PRKCE: variants seen among roughly 807,000 people sequenced by gnomAD.
PRKCE encodes protein kinase C epsilon type.
In PRKCE, 16 loss-of-function variants were observed where a neutral mutation model predicts 85.4. The observed-to-expected ratio is 0.19, with a 90% confidence interval of 0.13 to 0.28. PRKCE has a LOEUF of 0.28. PRKCE is among the 10% of genes least tolerant of loss of function. The pLI, the probability that PRKCE is intolerant of heterozygous loss-of-function variation, is 1.00. For missense variants in PRKCE, 573 were observed against 975.2 expected (o/e 0.59, Z 5.49); for synonymous variants, 388 against 371.5 (o/e 1.04, Z -0.51).
At position 45,892,674 on chromosome 2, in the gene PRKCE, CA is replaced by C. The variant is rs535670594; in HGVS notation, c.412+49614del. Among the ~76,000 whole-genome samples, 132 of 152,184 alleles carry C rather than the reference CA, an allele frequency of 8.7e-4. 4 individuals are homozygous for C. The South Asian group carries it at 0.025, about 28-fold the overall frequency. On this transcript the variant is annotated intron_variant, in intron 2 of 14. Coordinates refer to ENST00000306156, the MANE Select transcript of PRKCE (RefSeq NM_005400.3). ...GGCTGCCCTGGCGGTGGCCCAGAAG[CA>C]AATGTAGCATCGTTTGCCAGAGACT...
intron 14 of PRKCE, among the ~76,000 whole-genome samples, chr2:46,183,515 C>G (rs766587796): frequency 6.6e-6 from 1 of 152,184 alleles, no homozygotes; most frequent in African/African-American, 2.4e-5. Context: ...TTGCTGGAGT[C>G]CCTGCCTTTA....
chr2:46,087,657 G>T (rs559753617), intron 11 of PRKCE, among the ~76,000 whole-genome samples: 2 of 151,724 alleles, frequency 1.3e-5, no homozygotes, highest in African/African-American at 4.9e-5. Flanking sequence ...GACCACAAAC[G>T]GAATGGTGTC....
chr2:45,719,714 T>C (rs1313128003), intron 1 of PRKCE, among the ~76,000 whole-genome samples: 1 of 152,124 alleles, frequency 6.6e-6, no homozygotes, highest in East Asian at 1.9e-4. Context: ...CTCCCCCTTT[T>C]ACAATCTAGA....
At chr2:45,700,365 G>A (rs1195037652) in intron 1 of PRKCE, among the ~76,000 whole-genome samples, 2 of 152,090 alleles carry the variant, frequency 1.3e-5, no homozygotes, top group African/African-American at 4.8e-5. Flanking sequence ...GTCCTGGGTA[G>A]GGGTTTTTGA....
rs10174970 is a variant in PRKCE at position 46,156,798 on chromosome 2, T to A, written c.1921-2808T>A. On this transcript the variant is annotated intron_variant, in intron 13 of 14. Coordinates refer to ENST00000306156, the MANE Select transcript of PRKCE (RefSeq NM_005400.3). ...CTGGTTTGATCACATGCTATTTTTT[T>A]AAAAAACACAAAGCATAAAATCAGA... 7.9e-3 allele frequency among the ~76,000 whole-genome samples: 1,201 copies of A among 152,282 alleles called. 14 individuals carry two copies. The highest frequency in any genetic ancestry group is 0.027 in the African/African-American group (1,130 of 41,554).
At chr2:45,876,328 T>C (rs1694475860) in intron 2 of PRKCE, among the ~76,000 whole-genome samples, 1 of 152,254 alleles carries the variant, frequency 6.6e-6, no homozygotes, top group African/African-American at 2.4e-5. Flanking sequence ...TCTCTGGTTC[T>C]TTCCAAGTCA....
At chr2:46,051,115 A>G (rs1304525502) in intron 10 of PRKCE, among the ~76,000 whole-genome samples, 1 of 152,218 alleles carries the variant, frequency 6.6e-6, no homozygotes, top group Non-Finnish European at 1.5e-5. Flanking sequence ...AGCCACAAAT[A>G]ACTACTGAGA....
chr2:45,701,976 G>A (rs759447949), intron 1 of PRKCE, among the ~76,000 whole-genome samples: 3 of 152,076 alleles, frequency 2.0e-5, no homozygotes, highest in Non-Finnish European at 4.4e-5. Context: ...ATCACCTGAC[G>A]TCAGGAGTTT....
intron 2 of PRKCE, among the ~76,000 whole-genome samples, chr2:45,867,988 C>G (rs928894618): frequency 6.6e-6 from 1 of 151,970 alleles, no homozygotes; most frequent in Non-Finnish European, 1.5e-5. Flanking sequence ...AAAAAGAGGG[C>G]GTATCATTGT....
At chr2:45,699,770 A>G (rs1057404658) in intron 1 of PRKCE, among the ~76,000 whole-genome samples, 1 of 152,212 alleles carries the variant, frequency 6.6e-6, no homozygotes, top group East Asian at 1.9e-4. Flanking sequence ...CTTAGAGAGC[A>G]GTGGCTTAGA....
chr2:45,671,270 C>T (rs1382318969), intron 1 of PRKCE, among the ~76,000 whole-genome samples: 1 of 152,130 alleles, frequency 6.6e-6, no homozygotes, highest in African/African-American at 2.4e-5. Context: ...CTTAATTTGA[C>T]ATTTCAGGAC....
intron 1 of PRKCE, among the ~76,000 whole-genome samples, chr2:45,703,024 C>CCCG (rs1553382473): frequency 6.8e-6 from 1 of 147,738 alleles, no homozygotes; most frequent in East Asian, 1.9e-4. Context: ...CCTTTTTTCC[C>CCCG]CCCCCGTCAG....
chr2:46,038,182 A>C (rs1707993587), intron 10 of PRKCE, among the ~76,000 whole-genome samples: 1 of 152,128 alleles, frequency 6.6e-6, no homozygotes, highest in South Asian at 2.1e-4. Context: ...TATAATTTTA[A>C]GGAAAAAAAA....
intron 10 of PRKCE, among the ~76,000 whole-genome samples, chr2:46,065,216 A>C (rs1346642614): frequency 1.3e-5 from 2 of 151,978 alleles, no homozygotes; most frequent in Non-Finnish European, 2.9e-5. Context: ...AAAGGGGAAA[A>C]TGACTGTTCA....
At chr2:46,158,393 G>A (rs1677425170) in intron 13 of PRKCE, among the ~76,000 whole-genome samples, 1 of 152,164 alleles carries the variant, frequency 6.6e-6, no homozygotes, top group African/African-American at 2.4e-5. Context: ...TGGACTTCAT[G>A]GTGGGGGCCA....
intron 2 of PRKCE, among the ~76,000 whole-genome samples, chr2:45,861,851 A>T (rs1008526445): frequency 6.6e-6 from 1 of 152,224 alleles, no homozygotes; most frequent in Non-Finnish European, 1.5e-5. Flanking sequence ...CAACCATTAT[A>T]AAGTTTTAGG....
intron 1 of PRKCE, among the ~76,000 whole-genome samples, chr2:45,739,742 A>C (rs769607286): frequency 6.6e-6 from 1 of 152,180 alleles, no homozygotes; most frequent in African/African-American, 2.4e-5. Flanking sequence ...TTTTTGAGGC[A>C]TGAACTGTTT....
chr2:46,135,565 T>C (rs1263260764), intron 11 of PRKCE, among the ~76,000 whole-genome samples: 4 of 152,058 alleles, frequency 2.6e-5, no homozygotes, highest in Non-Finnish European at 5.9e-5. Context: ...ACAAAAGCAT[T>C]TGGAAGAAGA....
chr2:45,980,163 G>C (rs1469754866), intron 4 of PRKCE, 133 bp from the exon 5 acceptor site: 2 of 687,398 alleles, frequency 2.9e-6, no homozygotes, highest in African/African-American at 3.6e-5. Context: ...ACTTTAGGGA[G>C]GGTATTAAAT....
Sources: gnomAD v4.1 joint callset for allele counts (sites outside exome capture counted in the v4.1 genomes callset) on GRCh38, gnomAD v4.1.1 for gene constraint, MANE v1.5 for transcripts, NCBI Gene and HGNC (gene_info 2026-07-23, HGNC 2026-07-21) for gene names.